The following ADAMTS6 variants were observed in gnomAD, a reference collection of about 807,000 sequenced individuals.
ADAMTS6 encodes the protein A disintegrin and metalloproteinase with thrombospondin motifs 6.
A neutral mutation model predicts 144.3 loss-of-function variants in ADAMTS6; 23 were observed. The observed-to-expected ratio is 0.16, with a 90% CI of 0.11 to 0.23. The LOEUF (loss-of-function observed/expected upper bound fraction) is 0.23, where lower values mean the gene tolerates loss of function less well. ADAMTS6 is among the 10% of genes least tolerant of loss of function. ADAMTS6 has a pLI of 1.00. For missense variants in ADAMTS6, 999 were observed against 1,379.6 expected, an observed-to-expected ratio of 0.72 and a Z score of 4.37; for synonymous variants, 444 against 457.5, an observed-to-expected ratio of 0.97 and a Z score of 0.38.
At position 65,173,015 on chromosome 5, in the gene ADAMTS6, A is replaced by G. The variant is rs755742862; in HGVS notation, c.2911-7T>C. ...GACCACATTTTGGAGTACACTGGAA[A>G]TAAAACAAATAGTAATGAATCACGA... On this transcript the variant is annotated splice_polypyrimidine_tract_variant and splice_region_variant and intron_variant, in intron 22 of 24. Transcript: ENST00000381055. The G allele has an allele frequency of 2.5e-6, 4 of 1,610,410 alleles. No individual in the cohort carries two copies. The highest frequency in any genetic ancestry group is 3.4e-6 in the Non-Finnish European group (4 of 1,178,704).
At chr5:65,418,144 T>A (rs1755695969) in intron 7 of ADAMTS6, among the ~76,000 whole-genome samples, 1 of 152,150 alleles carries the variant, frequency 6.6e-6, no homozygotes, top group Non-Finnish European at 1.5e-5. Flanking sequence ...CAATAAATGG[T>A]GCTAGGACAG....
chr5:65,448,160 C>G (rs1168586858), intron 7 of ADAMTS6, among the ~76,000 whole-genome samples: 1 of 151,202 alleles, frequency 6.6e-6, no homozygotes, highest in Non-Finnish European at 1.5e-5. Flanking sequence ...TAAATATGCT[C>G]TTTGGTGTTC....
intron 4 of ADAMTS6, among the ~76,000 whole-genome samples, chr5:65,454,938 T>C (rs146519975): frequency 1.3e-5 from 2 of 152,318 alleles, no homozygotes; most frequent in Non-Finnish European, 2.9e-5. Flanking sequence ...ATACTAAAAG[T>C]ATACTGAGTA....
intron 7 of ADAMTS6, among the ~76,000 whole-genome samples, chr5:65,344,121 C>A (rs981842256): frequency 7.2e-5 from 11 of 151,800 alleles, no homozygotes; most frequent in African/African-American, 2.7e-4. Flanking sequence ...GTCTTTTGCC[C>A]TGGCAAAACT....
At chr5:65,324,917 AAAC>A (rs1746019476) in intron 9 of ADAMTS6, among the ~76,000 whole-genome samples, 1 of 152,198 alleles carries the variant, frequency 6.6e-6, no homozygotes, top group Admixed American at 6.5e-5. Flanking sequence ...ACAAAACTAA[AAAC>A]AACCAGAAAA....
chr5:65,396,451 A>G (rs542949903), intron 7 of ADAMTS6, among the ~76,000 whole-genome samples: 1 of 152,336 alleles, frequency 6.6e-6, no homozygotes, highest in South Asian at 2.1e-4. Flanking sequence ...TTTTCTGTCT[A>G]TGGCCACCCA....
chr5:65,386,282 C>T (rs555170270), intron 7 of ADAMTS6, among the ~76,000 whole-genome samples: 1 of 152,050 alleles, frequency 6.6e-6, no homozygotes, highest in African/African-American at 2.4e-5. Flanking sequence ...TCCTATTTTT[C>T]ATATATTTGA....
At chr5:65,417,291 T>C (rs1755619697) in intron 7 of ADAMTS6, among the ~76,000 whole-genome samples, 1 of 152,124 alleles carries the variant, frequency 6.6e-6, no homozygotes, top group Non-Finnish European at 1.5e-5. Flanking sequence ...GGGCAAACAC[T>C]GGAAGCATTC....
At position 65,186,326 on chromosome 5, in the gene ADAMTS6, T is replaced by C. The variant is rs185736686; in HGVS notation, c.2910+1690A>G. On this transcript the variant is annotated intron_variant, in intron 22 of 24. Coordinates refer to ENST00000381055, the MANE Select transcript of ADAMTS6 (RefSeq NM_197941.4). The stretch of plus-strand genomic sequence containing the variant: ...TACATTTATACCTCACAATCCACTG[T>C]TTTATTACACACTGCCTTATATGTA... Among the ~76,000 whole-genome samples, 8 of 152,328 alleles carry C rather than the reference T, an allele frequency of 5.3e-5. No individual in the cohort carries two copies. The East Asian group carries it at 1.5e-3, about 29-fold the overall frequency.
At chr5:65,225,965 G>A (rs1398303611) in intron 16 of ADAMTS6, 121 bp downstream of exon 16, 1 of 1,069,438 alleles carries the variant, frequency 9.4e-7, no homozygotes, top group Non-Finnish European at 1.3e-6. Flanking sequence ...AATGGAAATT[G>A]AATTTCTCTA....
chr5:65,362,233 G>A (rs763173520), intron 7 of ADAMTS6, among the ~76,000 whole-genome samples: 13 of 152,174 alleles, frequency 8.5e-5, no homozygotes, highest in African/African-American at 2.2e-4. Context: ...CCTGTCAGGC[G>A]ATGTGAATTC....
intron 7 of ADAMTS6, among the ~76,000 whole-genome samples, chr5:65,402,430 C>T (rs1368852315): frequency 2.0e-5 from 3 of 152,130 alleles, no homozygotes; most frequent in African/African-American, 7.2e-5. Context: ...CCCAACAATG[C>T]TACTACATTT....
intron 7 of ADAMTS6, among the ~76,000 whole-genome samples, chr5:65,384,813 C>G (rs1193081838): frequency 1.3e-5 from 2 of 152,192 alleles, no homozygotes; most frequent in Non-Finnish European, 2.9e-5. Flanking sequence ...TTATCTGTTT[C>G]AGTCCATTAA....
At chr5:65,187,251 A>G (rs1257541991) in intron 22 of ADAMTS6, among the ~76,000 whole-genome samples, 1 of 152,216 alleles carries the variant, frequency 6.6e-6, no homozygotes, top group Non-Finnish European at 1.5e-5. Flanking sequence ...TATCTGTCTC[A>G]TGGATACTGA....
chr5:65,300,381 A>T (rs11957882), intron 9 of ADAMTS6, among the ~76,000 whole-genome samples: 128 of 152,250 alleles, frequency 8.4e-4, no homozygotes, highest in Middle Eastern at 6.8e-3. Context: ...GCACGTTTCA[A>T]TTTCTCTTTG....
chr5:65,355,320 T>A (rs1002546331), intron 7 of ADAMTS6, among the ~76,000 whole-genome samples: 2 of 151,830 alleles, frequency 1.3e-5, no homozygotes, highest in African/African-American at 4.8e-5. Context: ...CTCAGAATGA[T>A]CCTCCAAATA....
At chr5:65,262,729 C>T in intron 13 of ADAMTS6, 88 bp downstream of exon 13, 3 of 1,392,716 alleles carry the variant, frequency 2.2e-6, no homozygotes, top group South Asian at 3.4e-5. Flanking sequence ...ACTAGCGAAA[C>T]GTTTTTACAG....
At position 65,242,196 on chromosome 5, in the gene ADAMTS6, A is replaced by G; in HGVS notation, c.1841T>C (p.Leu614Ser). Residue 614 changes from leucine to serine, a missense_variant, in exon 15 of 25, where the codon TTG (leucine) becomes TCG (serine). Coordinates refer to ENST00000381055, the MANE Select transcript of ADAMTS6 (RefSeq NM_197941.4). ...TTTCTCTCGAAAATCTCGGGAACCC[A>G]AAGGGCATGGCTAAAATAAAATAAA... Reference protein sequence around the residue: ...YRSCNTDPCPLGSRDFREKQC... With the variant: ...YRSCNTDPCPSGSRDFREKQC... 1 of 1,596,678 alleles carries G rather than the reference A, an allele frequency of 6.3e-7. No homozygotes were observed. The highest frequency in any genetic ancestry group is 8.6e-7 in the Non-Finnish European group (1 of 1,169,234).
At chr5:65,331,758 A>G (rs1263963916) in intron 8 of ADAMTS6, among the ~76,000 whole-genome samples, 3 of 151,966 alleles carry the variant, frequency 2.0e-5, no homozygotes, top group Non-Finnish European at 4.4e-5. Context: ...ACCAATATGA[A>G]AGTGACTAGA....
Sources: allele counts gnomAD v4.1 joint callset (sites outside exome capture counted in the v4.1 genomes callset), GRCh38; gene constraint gnomAD v4.1.1; transcripts MANE v1.5; gene names NCBI Gene and HGNC (gene_info 2026-07-23, HGNC 2026-07-21).